FOXRED2: variants seen among roughly 807,000 people sequenced by gnomAD.
FOXRED2 encodes the protein FAD dependent oxidoreductase domain containing 2, also known as FAD-dependent oxidoreductase domain-containing protein 2.
A neutral mutation model predicts 52.5 loss-of-function variants in FOXRED2; 32 were observed. The ratio of observed to expected loss-of-function variants is 0.61; its 90% CI spans 0.46 to 0.82. The LOEUF (loss-of-function observed/expected upper bound fraction) is 0.82, where lower values mean the gene tolerates loss of function less well. FOXRED2 is among the 40% of genes least tolerant of loss of function. The pLI, the probability that FOXRED2 is intolerant of heterozygous loss-of-function variation, is 0.00. For missense variants in FOXRED2, 848 were observed against 937.5 expected, an observed-to-expected ratio of 0.90 and a Z score of 1.25; for synonymous variants, 405 against 398.1, an observed-to-expected ratio of 1.02 and a Z score of -0.21.
chr22:36,493,794 A>T lies in FOXRED2; in HGVS notation c.1634T>A (p.Val545Glu). ...GGGCCAGTGTGCAGGGCGGAACCTC[A>T]CCTCCTGTTCTGTGGGGAGGAGAGA... ...YYRYLPTEQEVRFRPAHWPLP... is the reference protein window; with the variant it reads ...YYRYLPTEQEERFRPAHWPLP... The change falls in exon 8 of 9, where the codon GTG becomes GAG. Residue 545 changes from valine to glutamate, a missense_variant. Val to Glu is a moderately radical substitution (Grantham distance 121, BLOSUM62 -2). Transcript: ENST00000397224. 1 of 1,613,732 alleles carries T rather than the reference A, an allele frequency of 6.2e-7. No individual in the cohort carries two copies. The highest frequency in any genetic ancestry group is 8.5e-7 in the Non-Finnish European group (1 of 1,179,804).
chr22:36,504,193 G>A lies in FOXRED2; in HGVS notation c.954C>T (p.Leu318=), dbSNP rs990091525. Reference sequence around the variant, plus strand: ...CAAAGTTGTCATTGTCGTCCTGGGGGAGGGTGATGGAGTCGGCACTCTGGT... The same window carrying A: ...CAAAGTTGTCATTGTCGTCCTGGGGAAGGGTGATGGAGTCGGCACTCTGGT... ...NTNQSADSIT[L]PQDDNDNFAM... Residue 318 remains leucine (L), a synonymous_variant, in exon 4 of 9, where the codon CTC becomes CTT. Coordinates refer to ENST00000397224, the MANE Select transcript of FOXRED2 (RefSeq NM_001102371.2). The A allele has an allele frequency of 1.2e-6, 2 of 1,614,240 alleles. No individual in the cohort carries two copies. Among genetic ancestry groups the A allele is most frequent in the South Asian group, 1.1e-5 (1 of 91,090 alleles).
Position 36,506,105 on chromosome 22 carries a change from G to C in FOXRED2, c.318C>G (p.Asp106Glu), listed in dbSNP as rs777364137. The change falls in exon 2 of 9, where the codon GAC (aspartate) becomes GAG (glutamate). Residue 106 changes from aspartate (D) to glutamate (E), a missense_variant. Asp to Glu is a conservative substitution (Grantham distance 45). Transcript: ENST00000397224. Reference protein sequence around the residue: ...RHDWNSLLSHDPRLLFRHYSR... With the variant: ...RHDWNSLLSHEPRLLFRHYSR... The stretch of plus-strand genomic sequence containing the variant: ...AGTAGTGTCTGAAGAGCAGCCGGGG[G>C]TCGTGGCTGAGCAGAGAGTTCCAGT... The C allele has an allele frequency of 6.2e-7, 1 of 1,614,264 alleles. No homozygotes were observed. The highest frequency in any genetic ancestry group is 8.5e-7 in the Non-Finnish European group (1 of 1,180,036).
In FOXRED2 at chr22:36,506,162, G is replaced by A. The variant is rs760800698; in HGVS notation, c.261C>T (p.Gly87=). ...KLISINKRYT[G]KANAEFNLRH... is the part of the protein sequence containing the mutation. ...GGAGGTTGAACTCGGCGTTAGCCTT[G>A]CCCGTGTACCGCTTGTTGATGCTGA... is the stretch of plus-strand genomic sequence containing the variant. Residue 87 remains glycine (G), a synonymous_variant, in exon 2 of 9, where the codon GGC becomes GGT. Coordinates refer to ENST00000397224, the MANE Select transcript of FOXRED2 (RefSeq NM_001102371.2). 5 of 1,614,276 alleles carry A rather than the reference G, an allele frequency of 3.1e-6. No homozygotes were observed. In the South Asian group the frequency reaches 4.4e-5, roughly 14 times the overall value.
chr22:36,502,367 G>C (rs534525248), intron 4 of FOXRED2, among the ~76,000 whole-genome samples: 1 of 152,106 alleles, frequency 6.6e-6, no homozygotes. Context: ...CGAGGTAGTC[G>C]GCAGCAATGT....
At chr22:36,501,533 T>A in intron 4 of FOXRED2, 126 bp from the exon 5 acceptor site, 1 of 871,336 alleles carries the variant, frequency 1.1e-6, no homozygotes, top group Non-Finnish European at 1.8e-6. Flanking sequence ...TGATCTCGGC[T>A]CACTGCAACC....
intron 5 of FOXRED2, among the ~76,000 whole-genome samples, chr22:36,500,742 C>G (rs534115393): frequency 6.6e-6 from 1 of 151,890 alleles, no homozygotes; most frequent in Non-Finnish European, 1.5e-5. Flanking sequence ...CGCCACCACA[C>G]CTGGCTAATT....
At chr22:36,501,523 T>A in intron 4 of FOXRED2, 116 bp from the exon 5 acceptor site, 1 of 986,008 alleles carries the variant, frequency 1.0e-6, no homozygotes, top group Non-Finnish European at 1.5e-6. Context: ...TACAATGGCG[T>A]GATCTCGGCT....
At chr22:36,492,723 G>A (rs768573844) in intron 8 of FOXRED2, among the ~76,000 whole-genome samples, 9 of 152,146 alleles carry the variant, frequency 5.9e-5, no homozygotes, top group Non-Finnish European at 8.8e-5. Context: ...CACCATGTTG[G>A]CCAGGGCTGG....
intron 8 of FOXRED2, among the ~76,000 whole-genome samples, chr22:36,490,904 C>T (rs1283631877): frequency 2.6e-5 from 4 of 152,198 alleles, no homozygotes; most frequent in Admixed American, 6.5e-5. Context: ...CGCCTTAATC[C>T]GACAACTCTG....
Position 36,505,921 on chromosome 22 carries a change from G to A in FOXRED2, c.502C>T (p.Gln168Ter), listed in dbSNP as rs745650743. 2 of 1,613,700 alleles carry A rather than the reference G, an allele frequency of 1.2e-6. No individual in the cohort carries two copies. The highest frequency in any genetic ancestry group is 2.2e-5 in the South Asian group (2 of 91,082). The change falls in exon 2 of 9, where the codon CAG (glutamine) becomes TAG (stop). Residue 168 changes from glutamine (Q) to a stop codon, truncating the protein, a stop_gained. Coordinates refer to ENST00000397224, the MANE Select transcript of FOXRED2 (RefSeq NM_001102371.2). LOFTEE classifies it high-confidence loss of function. The stretch of plus-strand genomic sequence containing the variant: ...CTGCACTGATGCACCTGGCCCTTCT[G>A]GTCAGTTAGGATGAAGTAGTGGCCA... ...WNGHYFILTD[Q>*]KGQVHQCSVL...
chr22:36,502,893 T>A (rs1458542751), intron 4 of FOXRED2, among the ~76,000 whole-genome samples: 1 of 151,904 alleles, frequency 6.6e-6, no homozygotes, highest in Non-Finnish European at 1.5e-5. Flanking sequence ...GGGGTTTCGC[T>A]ACATTGGTCA....
At chr22:36,501,447 G>A (rs1412649473) in intron 4 of FOXRED2, 40 bp from the exon 5 acceptor site, 7 of 1,594,666 alleles carry the variant, frequency 4.4e-6, no homozygotes, top group Middle Eastern at 1.7e-4. Flanking sequence ...TAGCTGCTAT[G>A]TAAGAGGCAC....
At chr22:36,501,125 T>C in intron 5 of FOXRED2, 116 bp downstream of exon 5, 3 of 1,054,654 alleles carry the variant, frequency 2.8e-6, no homozygotes, top group Non-Finnish European at 4.2e-6. Flanking sequence ...TTTATGACAA[T>C]GAGCTACTGA....
Position 36,506,390 on chromosome 22 carries a change from AC to A in FOXRED2, c.32del (p.Gly11ValfsTer155). 6.9e-7 allele frequency: 1 copy of A among 1,439,822 alleles called. No individual in the cohort carries two copies. Among genetic ancestry groups the A allele is most frequent in the Non-Finnish European group, 9.1e-7 (1 of 1,101,914 alleles). The allele number at this position is 1,439,822 out of a possible 1,614,324, so 89.2% of individuals were successfully genotyped here. A position where few individuals can be genotyped will look rare whatever the true frequency, so the allele number is the denominator to read the frequency against. On this transcript the variant is annotated frameshift_variant, in exon 2 of 9. Transcript: ENST00000397224. LOFTEE classifies it high-confidence loss of function. MGLSAAAPLW[G>X]PPGLLLAIAL... ...CGATGGCCAGGAGCAGCCCCGGGGG[AC>A]CCCACAACGGGGCCGCAGCGGAGAG...
At chr22:36,496,431 AG>A (rs755670033) in intron 6 of FOXRED2, among the ~76,000 whole-genome samples, 2 of 152,228 alleles carry the variant, frequency 1.3e-5, no homozygotes, top group Non-Finnish European at 2.9e-5. Context: ...ATCTGGGGAA[AG>A]AGTGTCCCAG....
At chr22:36,494,935 C>A (rs1281428012) in intron 7 of FOXRED2, among the ~76,000 whole-genome samples, 1 of 150,770 alleles carries the variant, frequency 6.6e-6, no homozygotes, top group Non-Finnish European at 1.5e-5. Context: ...CCGCGCCCGG[C>A]CTTTTTGTTT....
At position 36,493,673 on chromosome 22, in the gene FOXRED2, CAGGA is replaced by C. The variant is rs780707318; in HGVS notation, c.1751_1754del (p.Phe584TrpfsTer36). Reference sequence around the variant, plus strand: ...GCAAATCGGTGTCCAAACAGTTCTCCAGGAAGCGCCTCAGAGGTAGGATGTGCCC... The same window carrying C: ...GCAAATCGGTGTCCAAACAGTTCTCCAGCGCCTCAGAGGTAGGATGTGCCC... On this transcript the variant is annotated frameshift_variant, in exon 8 of 9. Transcript: ENST00000397224. LOFTEE classifies it low-confidence loss of function (END_TRUNC). 1 of 1,614,172 alleles carries C rather than the reference CAGGA, an allele frequency of 6.2e-7. No homozygotes were observed. Among genetic ancestry groups the C allele is most frequent in the Non-Finnish European group, 8.5e-7 (1 of 1,180,002 alleles).
intron 8 of FOXRED2, among the ~76,000 whole-genome samples, chr22:36,492,143 T>C (rs1304066951): frequency 6.6e-6 from 1 of 152,156 alleles, no homozygotes; most frequent in Non-Finnish European, 1.5e-5. Context: ...GGCAAGCCTC[T>C]CCAAGCGGGT....
chr22:36,498,533 G>A (rs1392934910), intron 5 of FOXRED2: 1 of 184,858 alleles, frequency 5.4e-6, no homozygotes, highest in East Asian at 1.3e-4. Flanking sequence ...TCTGCACGTG[G>A]GAGTCCCACC....
Sources: gnomAD v4.1 joint callset for allele counts (sites outside exome capture counted in the v4.1 genomes callset) on GRCh38, gnomAD v4.1.1 for gene constraint, MANE v1.5 for transcripts, NCBI Gene and HGNC (gene_info 2026-07-23, HGNC 2026-07-21) for gene names.